The following INPP4B variants were observed in gnomAD, a reference collection of about 807,000 sequenced individuals.
The protein encoded by INPP4B is inositol polyphosphate 4-phosphatase type II.
In INPP4B, 55 loss-of-function variants were observed where a neutral mutation model predicts 122.5. That is an observed-to-expected ratio of 0.45 (90% CI 0.36 to 0.56). INPP4B has a LOEUF of 0.56. Among genes scored for constraint, INPP4B ranks in the 20% least tolerant of loss-of-function variants. The probability of loss-of-function intolerance (pLI) is 0.00; values close to 1 mark genes in which losing one functional copy is unlikely to be tolerated. For missense variants in INPP4B, 1,000 were observed against 1,097.7 expected (o/e 0.91, Z 1.26); for synonymous variants, 403 against 388.7 (o/e 1.04, Z -0.43).
At chr4:142,031,662 T>C (rs1740240913) in intron 25 of INPP4B, among the ~76,000 whole-genome samples, 1 of 152,198 alleles carries the variant, frequency 6.6e-6, no homozygotes, top group Admixed American at 6.5e-5. Context: ...TGGTTACTAT[T>C]CAACTTTTTC....
chr4:142,204,142 G>A (rs1209582773), intron 14 of INPP4B, among the ~76,000 whole-genome samples: 2 of 152,034 alleles, frequency 1.3e-5, no homozygotes, highest in Non-Finnish European at 2.9e-5. Context: ...AAGTGGTAAG[G>A]ACCCAAAATT....
At chr4:142,092,679 C>A (rs6827563) in intron 23 of INPP4B, among the ~76,000 whole-genome samples, 1 of 152,034 alleles carries the variant, frequency 6.6e-6, no homozygotes, top group Non-Finnish European at 1.5e-5. Context: ...GGTTTATCAG[C>A]AAGTTTTCTT....
intron 12 of INPP4B, among the ~76,000 whole-genome samples, chr4:142,233,870 A>G (rs997173467): frequency 6.6e-6 from 1 of 152,046 alleles, no homozygotes; most frequent in African/African-American, 2.4e-5. Context: ...GTTGGATAGG[A>G]TATATCTTCA....
intron 1 of INPP4B, among the ~76,000 whole-genome samples, chr4:142,802,898 G>A (rs779277649): frequency 4.6e-5 from 7 of 151,822 alleles, no homozygotes; most frequent in African/African-American, 1.2e-4. Flanking sequence ...GGCTGGGTGC[G>A]GTGGCTCATC....
At chr4:142,347,266 C>G (rs1561902467) in intron 7 of INPP4B, 1 of 166,052 alleles carries the variant, frequency 6.0e-6, no homozygotes, top group Non-Finnish European at 1.3e-5. Context: ...TACTATGTTC[C>G]CTCCACCCAG....
intron 18 of INPP4B, among the ~76,000 whole-genome samples, chr4:142,141,642 T>C (rs968126105): frequency 2.2e-4 from 33 of 152,210 alleles, no homozygotes; most frequent in African/African-American, 7.7e-4. Flanking sequence ...GCCAAAGATA[T>C]ACTGTAAAAC....
chr4:142,041,651 C>A (rs1454819149), intron 25 of INPP4B, among the ~76,000 whole-genome samples: 6 of 152,022 alleles, frequency 3.9e-5, no homozygotes, highest in Non-Finnish European at 8.8e-5. Flanking sequence ...AATAATATCC[C>A]TTTTGTTTCT....
At chr4:142,344,685 T>C (rs1289377112) in intron 7 of INPP4B, among the ~76,000 whole-genome samples, 1 of 151,752 alleles carries the variant, frequency 6.6e-6, no homozygotes, top group East Asian at 1.9e-4. Context: ...CATGGGCAAA[T>C]AGAGGAGAAC....
At chr4:142,471,997 C>T (rs535114555) in intron 2 of INPP4B, among the ~76,000 whole-genome samples, 2 of 152,118 alleles carry the variant, frequency 1.3e-5, no homozygotes, top group Admixed American at 1.3e-4. Flanking sequence ...TTTGAAAGCA[C>T]TGTGGGCCTT....
chr4:142,743,481 G>A (rs12498666), intron 1 of INPP4B, among the ~76,000 whole-genome samples: 4,123 of 152,010 alleles, frequency 0.027, 76 homozygotes, highest in Middle Eastern at 0.095. Flanking sequence ...AATACATGAG[G>A]CATTTTAGAG....
chr4:142,517,895 A>G (rs1825610074), intron 2 of INPP4B, among the ~76,000 whole-genome samples: 1 of 152,180 alleles, frequency 6.6e-6, no homozygotes, highest in African/African-American at 2.4e-5. Context: ...GTATTGATGG[A>G]TGTATTTCCT....
At chr4:142,535,755 T>G (rs1352684991) in intron 2 of INPP4B, among the ~76,000 whole-genome samples, 5 of 126,128 alleles carry the variant, frequency 4.0e-5, no homozygotes, top group African/African-American at 1.3e-4. Flanking sequence ...TCAATCATCA[T>G]TCTCTTTTTT....
At chr4:142,669,480 A>G (rs1756668589) in intron 2 of INPP4B, among the ~76,000 whole-genome samples, 1 of 152,192 alleles carries the variant, frequency 6.6e-6, no homozygotes, top group African/African-American at 2.4e-5. Context: ...AGACCAATGA[A>G]GCAGAAAGGA....
chr4:142,525,293 C>T (rs1052184550), intron 2 of INPP4B, among the ~76,000 whole-genome samples: 8 of 150,544 alleles, frequency 5.3e-5, no homozygotes, highest in African/African-American at 1.2e-4. Context: ...GAATCAATAT[C>T]GTGAAAATGG....
intron 25 of INPP4B, among the ~76,000 whole-genome samples, chr4:142,076,969 G>T (rs1771099612): frequency 6.6e-6 from 1 of 151,918 alleles, no homozygotes; most frequent in South Asian, 2.1e-4. Context: ...ACTTAAAAGT[G>T]AACCCTATCA....
At chr4:142,665,224 G>A (rs990190093) in intron 2 of INPP4B, among the ~76,000 whole-genome samples, 2 of 152,278 alleles carry the variant, frequency 1.3e-5, no homozygotes, top group Admixed American at 6.5e-5. Flanking sequence ...CAGGCACGGT[G>A]GCTCACGCCA....
chr4:142,551,264 G>T (rs1462875448), intron 2 of INPP4B, among the ~76,000 whole-genome samples: 1 of 152,158 alleles, frequency 6.6e-6, no homozygotes, highest in East Asian at 1.9e-4. Flanking sequence ...TGGTTACATG[G>T]CATGGCAAGA....
intron 10 of INPP4B, among the ~76,000 whole-genome samples, chr4:142,262,249 C>T (rs780284760): frequency 3.3e-5 from 5 of 152,146 alleles, no homozygotes; most frequent in Non-Finnish European, 7.3e-5. Context: ...GGGGAGTACA[C>T]GATCTGTTTC....
Position 142,280,578 on chromosome 4 carries a change from T to C in INPP4B, c.504-9804A>G, listed in dbSNP as rs528390452. 6.2e-4 allele frequency among the ~76,000 whole-genome samples: 95 copies of C among 152,030 alleles called. 1 individual carries two copies. The highest frequency in any genetic ancestry group is 1.9e-3 in the Admixed American group (29 of 15,220). On this transcript the variant is annotated intron_variant, in intron 9 of 25. Coordinates refer to ENST00000262992, the MANE Select transcript of INPP4B (RefSeq NM_001101669.3). Reference sequence around the variant, plus strand: ...TCTTTGTGGTAATGGAAAAGTTCTGTATCTGGACTGTGGATACGGACTCTG... The same window carrying C: ...TCTTTGTGGTAATGGAAAAGTTCTGCATCTGGACTGTGGATACGGACTCTG...
Sources: gnomAD v4.1 joint callset for allele counts (sites outside exome capture counted in the v4.1 genomes callset) on GRCh38, gnomAD v4.1.1 for gene constraint, MANE v1.5 for transcripts, NCBI Gene and HGNC (gene_info 2026-07-23, HGNC 2026-07-21) for gene names.